The following REDIC1 variants were observed in gnomAD, a reference collection of about 807,000 sequenced individuals.
The protein encoded by REDIC1 is HEI10 Interacting Protein 1.
the REDIC1 span, among the ~76,000 whole-genome samples, chr12:39,816,363 A>G: frequency 2.1e-5 from 3 of 142,126 alleles, no homozygotes; most frequent in African/African-American, 7.9e-5. Context: ...TCTCACTCAT[A>G]GGTGGGAATT....
chr12:39,771,196 C>T, the REDIC1 span, among the ~76,000 whole-genome samples: 5 of 152,048 alleles, frequency 3.3e-5, no homozygotes, highest in Non-Finnish European at 7.4e-5. Flanking sequence ...CTAGAGTAAC[C>T]CTGATGGTTC....
At chr12:39,893,060 C>T in the REDIC1 span, among the ~76,000 whole-genome samples, 1 of 152,054 alleles carries the variant, frequency 6.6e-6, no homozygotes. Context: ...AGAAGGAAAC[C>T]ATGATAATTT....
chr12:39,698,167 A>C, the REDIC1 span, among the ~76,000 whole-genome samples: 1 of 152,158 alleles, frequency 6.6e-6, no homozygotes, highest in African/African-American at 2.4e-5. Context: ...GGTCATTATA[A>C]TTCCTGATGC....
At chr12:39,676,238 A>T in the REDIC1 span, among the ~76,000 whole-genome samples, 1 of 152,166 alleles carries the variant, frequency 6.6e-6, no homozygotes, top group Admixed American at 6.5e-5. Flanking sequence ...TCAGAGAAAT[A>T]GATGTCATAA....
At chr12:39,711,700 T>G in the REDIC1 span, among the ~76,000 whole-genome samples, 3 of 14,114 alleles carry the variant, frequency 2.1e-4, no homozygotes, top group African/African-American at 3.6e-4. Flanking sequence ...TATGTGTATG[T>G]GTATACACAT....
chr12:39,714,296 C>CATATATGT, the REDIC1 span, among the ~76,000 whole-genome samples: 1 of 145,108 alleles, frequency 6.9e-6, no homozygotes, highest in South Asian at 2.2e-4. Context: ...TATATGCATG[C>CATATATGT]ATATATGTAT....
chr12:39,670,760 A>G, the REDIC1 span, among the ~76,000 whole-genome samples: 1 of 143,168 alleles, frequency 7.0e-6, no homozygotes, highest in Non-Finnish European at 1.5e-5. Context: ...TTTTTTTTAA[A>G]TTCATCTGAC....
the REDIC1 span, among the ~76,000 whole-genome samples, chr12:39,800,182 A>G: frequency 6.6e-6 from 1 of 152,184 alleles, no homozygotes; most frequent in African/African-American, 2.4e-5. Flanking sequence ...GCATTTTTGC[A>G]GAAAGGTAAT....
At chr12:39,838,369 A>C in the REDIC1 span, among the ~76,000 whole-genome samples, 1 of 141,816 alleles carries the variant, frequency 7.1e-6, no homozygotes, top group African/African-American at 2.6e-5. Flanking sequence ...GAGGGATAGC[A>C]TTGGGAGATA....
chr12:39,846,163 T>C, the REDIC1 span, among the ~76,000 whole-genome samples: 3 of 152,134 alleles, frequency 2.0e-5, no homozygotes, highest in South Asian at 6.2e-4. Context: ...CAGAACCATA[T>C]AGATAAGATC....
chr12:39,698,152 A>C, the REDIC1 span, among the ~76,000 whole-genome samples: 1 of 152,192 alleles, frequency 6.6e-6, no homozygotes, highest in Non-Finnish European at 1.5e-5. Context: ...TAAGAGACAA[A>C]AGAAGGTCAT....
At chr12:39,691,513 A>ACT in the REDIC1 span, among the ~76,000 whole-genome samples, 2 of 152,172 alleles carry the variant, frequency 1.3e-5, no homozygotes, top group Admixed American at 1.3e-4. Flanking sequence ...GAGATACTTA[A>ACT]CTTCCCTTAA....
chr12:39,710,271 T>G, the REDIC1 span, among the ~76,000 whole-genome samples: 1 of 151,908 alleles, frequency 6.6e-6, no homozygotes, highest in Non-Finnish European at 1.5e-5. Flanking sequence ...TATATGTGTG[T>G]GCAATCTTTA....
At chr12:39,807,778 C>G in the REDIC1 span, among the ~76,000 whole-genome samples, 1 of 151,978 alleles carries the variant, frequency 6.6e-6, no homozygotes, top group South Asian at 2.1e-4. Flanking sequence ...GGGTCTTCTC[C>G]CCCTAGGTGA....
chr12:39,877,779 A>G, the REDIC1 span, among the ~76,000 whole-genome samples: 2 of 152,224 alleles, frequency 1.3e-5, no homozygotes, highest in Non-Finnish European at 2.9e-5. Flanking sequence ...TTTATGCAGT[A>G]GTTTGAATTT....
the REDIC1 span, chr12:39,683,014 A>G: frequency 6.2e-7 from 1 of 1,613,380 alleles, no homozygotes; most frequent in Non-Finnish European, 8.5e-7. Context: ...GACTTTGAAT[A>G]AAACAAGTTA....
the REDIC1 span, among the ~76,000 whole-genome samples, chr12:39,773,744 T>C: frequency 6.6e-6 from 1 of 152,236 alleles, no homozygotes; most frequent in Non-Finnish European, 1.5e-5. Context: ...AAAAGAAATA[T>C]GACCTGTGTA....
At chr12:39,890,391 G>A in the REDIC1 span, among the ~76,000 whole-genome samples, 1 of 152,144 alleles carries the variant, frequency 6.6e-6, no homozygotes, top group Non-Finnish European at 1.5e-5. Context: ...CCCTAAATAT[G>A]TGATATGTTA....
the REDIC1 span, among the ~76,000 whole-genome samples, chr12:39,797,727 AACACACACAC>A: frequency 4.8e-5 from 4 of 84,002 alleles, no homozygotes; most frequent in Admixed American, 1.5e-4. Context: ...AGTTATGGTA[AACACACACAC>A]ACACACACAC....
Sources: gnomAD v4.1 joint callset for allele counts (sites outside exome capture counted in the v4.1 genomes callset) on GRCh38, gnomAD v4.1.1 for gene constraint, MANE v1.5 for transcripts, NCBI Gene and HGNC (gene_info 2026-07-23, HGNC 2026-07-21) for gene names.